Variants in CYFIP2 observed in about 807,000 individuals in gnomAD.
CYFIP2 encodes cytoplasmic FMR1-interacting protein 2.
Under a neutral mutation model 158.7 loss-of-function variants are expected in CYFIP2, and 29 were observed. That is an observed-to-expected ratio of 0.18 (90% CI 0.14 to 0.25). The LOEUF is 0.25. Among genes scored for constraint, CYFIP2 ranks in the 10% least tolerant of loss-of-function variants. CYFIP2 has a pLI of 1.00. For synonymous variants in CYFIP2, 585 were observed against 617.6 expected (o/e 0.95, Z 0.78); for missense variants, 852 against 1,639.5 (o/e 0.52, Z 8.29).
chr5:157,355,859 T>A (rs1470561317), intron 23 of CYFIP2, among the ~76,000 whole-genome samples: 2 of 152,202 alleles, frequency 1.3e-5, no homozygotes, highest in Non-Finnish European at 2.9e-5. Context: ...TATGTTCCCA[T>A]GGCTGTGAGC....
intron 13 of CYFIP2, among the ~76,000 whole-genome samples, chr5:157,318,643 C>T (rs1273012149): frequency 2.0e-5 from 3 of 152,186 alleles, no homozygotes; most frequent in Non-Finnish European, 2.9e-5. Flanking sequence ...CTCATTCATT[C>T]ATTTATTTGT....
intron 19 of CYFIP2, 31 bp from the exon 20 acceptor site, chr5:157,330,711 A>G: frequency 6.4e-7 from 1 of 1,567,442 alleles, no homozygotes; most frequent in Non-Finnish European, 8.8e-7. Flanking sequence ...CAATCTGTTT[A>G]CTGGCCTTGT....
chr5:157,303,148 G>A (rs887982684), intron 7 of CYFIP2: 7 of 394,104 alleles, frequency 1.8e-5, no homozygotes, highest in South Asian at 4.2e-5. Context: ...GGTTGAGAAC[G>A]TGGGGTCTGG....
intron 9 of CYFIP2, among the ~76,000 whole-genome samples, 182 bp downstream of exon 9, chr5:157,308,047 A>G (rs1337633498): frequency 6.6e-6 from 1 of 152,086 alleles, no homozygotes; most frequent in African/African-American, 2.4e-5. Context: ...GCTGCCATTG[A>G]TGGAGGCATT....
At chr5:157,312,276 C>T (rs1355045622) in intron 11 of CYFIP2, among the ~76,000 whole-genome samples, 1 of 151,760 alleles carries the variant, frequency 6.6e-6, no homozygotes, top group Non-Finnish European at 1.5e-5. Flanking sequence ...CCATAAAAAT[C>T]TCCACTAATC....
intron 20 of CYFIP2, among the ~76,000 whole-genome samples, chr5:157,331,466 C>T (rs541066051): frequency 2.6e-5 from 4 of 150,978 alleles, no homozygotes; most frequent in African/African-American, 7.3e-5. Context: ...GGCCTTTATG[C>T]TGTGACGTCT....
chr5:157,297,903 C>T (rs990910441), intron 5 of CYFIP2, among the ~76,000 whole-genome samples: 2 of 152,186 alleles, frequency 1.3e-5, no homozygotes, highest in African/African-American at 2.4e-5. Flanking sequence ...TGCAGAGTGG[C>T]CACGTGTGAT....
intron 3 of CYFIP2, among the ~76,000 whole-genome samples, chr5:157,292,140 T>C (rs1484557207): frequency 1.3e-5 from 2 of 152,182 alleles, no homozygotes; most frequent in African/African-American, 4.8e-5. Context: ...AATAATCCAA[T>C]ATGGACCTTT....
chr5:157,327,298 C>T (rs1486933280), intron 18 of CYFIP2, among the ~76,000 whole-genome samples: 1 of 152,202 alleles, frequency 6.6e-6, no homozygotes, highest in Non-Finnish European at 1.5e-5. Context: ...CATGTGGTGG[C>T]TCATGCCTGT....
At chr5:157,325,778 G>T (rs1760974472) in intron 17 of CYFIP2, 140 bp downstream of exon 17, 7 of 904,656 alleles carry the variant, frequency 7.7e-6, no homozygotes, top group African/African-American at 1.7e-5. Context: ...GGAGAGCTCA[G>T]CCAGACAGAA....
chr5:157,359,140 A>C lies in CYFIP2; in HGVS notation c.2809A>C (p.Lys937Gln). ...VVMEELLKIV[K>Q]SLLQGTILQY... is the part of the protein sequence containing the mutation. Reference sequence around the variant, plus strand: ...CATGGAGGAACTGCTAAAGATTGTGAAGAGCTTGGTAAGGAAAGGCCTCAG... The same window carrying C: ...CATGGAGGAACTGCTAAAGATTGTGCAGAGCTTGGTAAGGAAAGGCCTCAG... The change falls in exon 24 of 31, where the codon AAG (lysine) becomes CAG (glutamine). Residue 937 changes from lysine to glutamine, a missense_variant. By Grantham distance (53) the Lys-to-Gln change is moderately conservative. Around this residue, in one of 8 missense-constraint regions of CYFIP2, gnomAD observed 191 missense variants for 311.2 expected, o/e 0.61. Transcript: ENST00000620254. 2 of 1,613,954 alleles carry C rather than the reference A, an allele frequency of 1.2e-6. No individual in the cohort carries two copies. The highest frequency in any genetic ancestry group is 1.7e-6 in the Non-Finnish European group (2 of 1,179,854).
chr5:157,383,147 C>T (rs1355446646), intron 27 of CYFIP2, 118 bp from the exon 28 acceptor site: 12 of 834,368 alleles, frequency 1.4e-5, no homozygotes, highest in Admixed American at 2.1e-5. Flanking sequence ...AGCAGTTCCA[C>T]ACACTCCATC....
At chr5:157,344,277 G>A (rs1373502243) in intron 23 of CYFIP2, among the ~76,000 whole-genome samples, 3 of 152,156 alleles carry the variant, frequency 2.0e-5, no homozygotes, top group Non-Finnish European at 2.9e-5. Flanking sequence ...ACCACTCACA[G>A]TAAGTGGTTG....
chr5:157,345,598 G>A (rs1762623987), intron 23 of CYFIP2: 1 of 152,680 alleles, frequency 6.5e-6, no homozygotes, highest in African/African-American at 2.4e-5. Context: ...GTAGATTAAA[G>A]CTGAGAGAAT....
chr5:157,307,302 T>C (rs70529), intron 8 of CYFIP2, among the ~76,000 whole-genome samples: 120,934 of 152,160 alleles, frequency 0.79, 48,286 homozygotes, highest in East Asian at 0.99. Context: ...GAGCTAGGAG[T>C]AGCCCTTTCT....
At chr5:157,317,241 G>A (rs1231604486) in intron 13 of CYFIP2, among the ~76,000 whole-genome samples, 1 of 150,856 alleles carries the variant, frequency 6.6e-6, no homozygotes, top group Non-Finnish European at 1.5e-5. Flanking sequence ...CTATACATTG[G>A]GAGGTTTTAT....
At chr5:157,297,155 G>A (rs145148324) in intron 5 of CYFIP2, among the ~76,000 whole-genome samples, 2 of 152,386 alleles carry the variant, frequency 1.3e-5, no homozygotes, top group East Asian at 3.9e-4. Context: ...CAGAGAGAGA[G>A]GCTGACGTGT....
intron 1 of CYFIP2, among the ~76,000 whole-genome samples, chr5:157,270,847 C>T (rs920290936): frequency 6.6e-6 from 1 of 152,144 alleles, no homozygotes; most frequent in Non-Finnish European, 1.5e-5. Flanking sequence ...GTCATTGGCT[C>T]ATGCAGTCAA....
chr5:157,333,285 G>C (rs962040483), intron 20 of CYFIP2, 42 bp from the exon 21 acceptor site: 1 of 1,612,536 alleles, frequency 6.2e-7, no homozygotes, highest in Admixed American at 1.7e-5. Flanking sequence ...CACCTGGCCA[G>C]TGTGAATTTT....
Sources: allele counts gnomAD v4.1 joint callset (sites outside exome capture counted in the v4.1 genomes callset), GRCh38; gene constraint gnomAD v4.1.1; regional missense constraint gnomAD v4.1.1; transcripts MANE v1.5; gene names NCBI Gene and HGNC (gene_info 2026-07-23, HGNC 2026-07-21).